Variants in COG7 observed in about 807,000 individuals in gnomAD.
The protein encoded by COG7 is component of oligomeric golgi complex 7.
A neutral mutation model predicts 91.5 loss-of-function variants in COG7; 49 were observed. The observed-to-expected ratio is 0.54, with a 90% CI of 0.43 to 0.68. The LOEUF is 0.68. Among genes scored for constraint, COG7 ranks in the 30% least tolerant of loss-of-function variants. The probability of loss-of-function intolerance (pLI) is 0.00; values close to 1 mark genes in which losing one functional copy is unlikely to be tolerated. For missense variants in COG7, 895 were observed against 961.3 expected (o/e 0.93, Z 0.91); for synonymous variants, 365 against 388.7 (o/e 0.94, Z 0.72).
At chr16:23,433,328 C>T (rs966050512) in intron 6 of COG7, among the ~76,000 whole-genome samples, 4 of 152,132 alleles carry the variant, frequency 2.6e-5, no homozygotes, top group South Asian at 2.1e-4. Flanking sequence ...TAGGCTCAAA[C>T]GATCCGCCCA....
Position 23,442,639 on chromosome 16 carries a change from C to A in COG7, c.442G>T (p.Ala148Ser). 6.2e-7 allele frequency: 1 copy of A among 1,613,402 alleles called. No individual in the cohort carries two copies. The highest frequency in any genetic ancestry group is 8.5e-7 in the Non-Finnish European group (1 of 1,179,354). The part of the protein sequence containing the change: ...IEETFKTQDI[A>S]VISAKLTGMQ... The stretch of plus-strand genomic sequence containing the variant: ...CCTGTTAGCTTGGCAGAAATCACAG[C>A]TATGTCCTAGAAAAGACCAGAATAG... Residue 148 changes from alanine to serine, a missense_variant, in exon 4 of 17, where the codon GCT becomes TCT. By Grantham distance (99) the Ala-to-Ser change is moderately conservative. Transcript: ENST00000307149.
chr16:23,396,998 C>T (rs925792474), intron 14 of COG7, among the ~76,000 whole-genome samples: 7 of 152,146 alleles, frequency 4.6e-5, no homozygotes, highest in African/African-American at 1.7e-4. Context: ...CAGCGTCGAC[C>T]TCCTGGGCTC....
intron 12 of COG7, among the ~76,000 whole-genome samples, 181 bp from the exon 13 acceptor site, chr16:23,404,015 C>T (rs900535085): frequency 1.3e-5 from 2 of 152,228 alleles, no homozygotes; most frequent in African/African-American, 4.8e-5. Flanking sequence ...CCAAGCTCCA[C>T]CCCAGAACTA....
At chr16:23,442,226 C>T (rs566044731) in intron 4 of COG7, among the ~76,000 whole-genome samples, 1 of 151,104 alleles carries the variant, frequency 6.6e-6, no homozygotes, top group African/African-American at 2.4e-5. Flanking sequence ...CCCAGCTACT[C>T]GGGAGGCTGA....
intron 11 of COG7, among the ~76,000 whole-genome samples, chr16:23,407,411 C>G (rs745554397): frequency 7.9e-5 from 12 of 152,190 alleles, no homozygotes; most frequent in Non-Finnish European, 1.8e-4. Flanking sequence ...CTCTAGTCCT[C>G]GAAGTTCTAC....
At position 23,419,476 on chromosome 16, in the gene COG7, C is replaced by T. The variant is rs1316258571; in HGVS notation, c.1010-649G>A. Among the ~76,000 whole-genome samples the T allele has an allele frequency of 5.3e-5, 8 of 150,314 alleles. No individual in the cohort carries two copies. In the South Asian group the frequency reaches 8.5e-4, roughly 16 times the overall value. ...CAAGAATTGCCACAGAGGCTGGGCT[C>T]GGTGGCTCACACTTGTAATCCCAGC... On this transcript the variant is annotated intron_variant, in intron 7 of 16. Transcript: ENST00000307149.
chr16:23,393,491 C>T (rs1392512172), intron 14 of COG7, 144 bp from the exon 15 acceptor site: 11 of 679,804 alleles, frequency 1.6e-5, no homozygotes, highest in East Asian at 2.7e-5. Context: ...TAGTATGTGG[C>T]GATGCTTGTT....
chr16:23,397,607 A>G (rs1447550700), intron 14 of COG7, among the ~76,000 whole-genome samples: 1 of 152,220 alleles, frequency 6.6e-6, no homozygotes, highest in Non-Finnish European at 1.5e-5. Context: ...GTTTGTTGCT[A>G]TGAAGTTAAA....
intron 1 of COG7, among the ~76,000 whole-genome samples, chr16:23,449,068 A>G (rs562342897): frequency 2.6e-5 from 4 of 152,260 alleles, no homozygotes; most frequent in South Asian, 4.1e-4. Flanking sequence ...TGCAACAACT[A>G]AAAAAGCTCC....
chr16:23,429,351 G>A (rs1158011638), intron 6 of COG7, among the ~76,000 whole-genome samples: 1 of 150,740 alleles, frequency 6.6e-6, no homozygotes, highest in Non-Finnish European at 1.5e-5. Flanking sequence ...CCACTCCTAG[G>A]TATTTACCCA....
intron 11 of COG7, among the ~76,000 whole-genome samples, chr16:23,408,481 G>C (rs892333581): frequency 6.7e-6 from 1 of 150,148 alleles, no homozygotes. Flanking sequence ...AGGTAGGGGC[G>C]AGTTGCTAAG....
chr16:23,450,001 C>T (rs1391235956), intron 1 of COG7, among the ~76,000 whole-genome samples: 2 of 151,978 alleles, frequency 1.3e-5, no homozygotes, highest in Non-Finnish European at 2.9e-5. Context: ...GTGGTGGGAT[C>T]TCTGCTCACT....
At chr16:23,419,127 C>T (rs1031474870) in intron 7 of COG7, among the ~76,000 whole-genome samples, 6 of 152,150 alleles carry the variant, frequency 3.9e-5, no homozygotes, top group South Asian at 2.1e-4. Context: ...CCTCATTGGC[C>T]GGGCGTGGTG....
chr16:23,442,333 CAAA>C (rs57747474), intron 4 of COG7, 141 bp downstream of exon 4: 6,255 of 539,590 alleles, frequency 0.012, no homozygotes, highest in South Asian at 0.016. Flanking sequence ...GACTCCGTCT[CAAA>C]AAAAAAAAAA....
chr16:23,393,471 C>A, intron 14 of COG7, 124 bp from the exon 15 acceptor site: 1 of 724,712 alleles, frequency 1.4e-6, no homozygotes, highest in Non-Finnish European at 2.5e-6. Context: ...GATCCCAAGT[C>A]TGATCTTTCT....
At chr16:23,439,158 CAAAAAA>C (rs1288559124) in intron 4 of COG7, among the ~76,000 whole-genome samples, 1 of 53,744 alleles carries the variant, frequency 1.9e-5, no homozygotes, top group Non-Finnish European at 3.6e-5. Context: ...ACTGTGTCTC[CAAAAAA>C]AAAAAAAAAA....
At chr16:23,420,910 A>ATTTTT (rs72250117) in intron 7 of COG7, among the ~76,000 whole-genome samples, 96 of 118,474 alleles carry the variant, frequency 8.1e-4, no homozygotes, top group Non-Finnish European at 1.1e-3. Context: ...TACCTGGCTA[A>ATTTTT]TTTTTTTTTT....
chr16:23,439,794 G>A (rs992639679), intron 4 of COG7, among the ~76,000 whole-genome samples: 1 of 152,168 alleles, frequency 6.6e-6, no homozygotes, highest in Non-Finnish European at 1.5e-5. Context: ...GCACAGCAAC[G>A]TGAATGTACT....
intron 7 of COG7, among the ~76,000 whole-genome samples, chr16:23,419,061 A>C (rs1963706128): frequency 6.6e-6 from 1 of 152,200 alleles, no homozygotes; most frequent in Admixed American, 6.5e-5. Context: ...TATTAAAGAC[A>C]CCAGCCCCCT....
Sources: gnomAD v4.1 joint callset for allele counts (sites outside exome capture counted in the v4.1 genomes callset) on GRCh38, gnomAD v4.1.1 for gene constraint, MANE v1.5 for transcripts, NCBI Gene and HGNC (gene_info 2026-07-23, HGNC 2026-07-21) for gene names.